The following WIPI1 variants were observed in gnomAD, a reference collection of about 807,000 sequenced individuals.
The protein encoded by WIPI1 is WD repeat domain, phosphoinositide interacting 1, also known as WD repeat domain phosphoinositide-interacting protein 1.
A neutral mutation model predicts 55.3 loss-of-function variants in WIPI1; 45 were observed. That is an observed-to-expected ratio of 0.81 (90% CI 0.64 to 1.04). WIPI1 has a LOEUF of 1.04. Among genes scored for constraint, WIPI1 ranks in the 50% least tolerant of loss-of-function variants. The pLI, the probability that WIPI1 is intolerant of heterozygous loss-of-function variation, is 0.00. For missense variants in WIPI1, 445 were observed against 559.0 expected (o/e 0.80, Z 2.06); for synonymous variants, 195 against 217.6 (o/e 0.90, Z 0.92).
At chr17:68,455,093 G>A (rs921494913) in intron 1 of WIPI1, among the ~76,000 whole-genome samples, 16 of 152,174 alleles carry the variant, frequency 1.1e-4, no homozygotes, top group African/African-American at 3.6e-4. Flanking sequence ...TGGGCATAGT[G>A]TGTCACATCT....
At chr17:68,448,061 C>T (rs1000145471) in intron 3 of WIPI1, among the ~76,000 whole-genome samples, 1 of 151,186 alleles carries the variant, frequency 6.6e-6, no homozygotes, top group African/African-American at 2.4e-5. Context: ...TAACTTTTTC[C>T]TGTTTTTCAA....
Position 68,421,799 on chromosome 17 carries a change from G to C in WIPI1, c.1315C>G (p.Gln439Glu). The C allele has an allele frequency of 6.2e-7, 1 of 1,614,180 alleles. No homozygotes were observed. The highest frequency in any genetic ancestry group is 8.5e-7 in the Non-Finnish European group (1 of 1,180,034). ...FPPIILCRGN[Q>E]KGKTKQS ...CATGACTGCTTCGTTTTGCCCTTCT[G>C]ATTTCCACGGCACAAGATTATCTAC... Residue 439 changes from glutamine (Q) to glutamate (E), a missense_variant, in exon 13 of 13, where the codon CAG becomes GAG. Physicochemically the swap from Gln to Glu is conservative, Grantham distance 29. Transcript: ENST00000262139.
At chr17:68,433,412 GC>G (rs1360693990) in intron 8 of WIPI1, 55 bp downstream of exon 8, 73 of 1,470,204 alleles carry the variant, frequency 5.0e-5, no homozygotes, top group Admixed American at 1.0e-4. Context: ...CAGTAGAAGA[GC>G]CTAGGCCTGA....
intron 8 of WIPI1, 21 bp from the exon 9 acceptor site, chr17:68,430,181 A>G: frequency 6.2e-7 from 1 of 1,603,052 alleles, no homozygotes; most frequent in East Asian, 2.2e-5. Context: ...ATGCACAGGC[A>G]ACGATGGGAC....
Position 68,421,382 on chromosome 17 carries a change from GTCTC to G in WIPI1, c.*387_*390del, listed in dbSNP as rs958734856. On this transcript the variant is annotated 3_prime_UTR_variant, in exon 13 of 13. Transcript: ENST00000262139. Reference sequence around the variant, plus strand: ...AAAAAGACTTTGCCTGGCTAAAAGAGTCTCTCTCTAAGTATGTAATATACAAGAA... The same window carrying G: ...AAAAAGACTTTGCCTGGCTAAAAGAGTCTCTAAGTATGTAATATACAAGAA... 1 of 173,982 alleles carries G rather than the reference GTCTC, an allele frequency of 5.7e-6. No homozygotes were observed. Among genetic ancestry groups the G allele is most frequent in the Non-Finnish European group, 1.2e-5 (1 of 81,254 alleles). The allele number at this position is 173,982 out of a possible 1,614,324, so 10.8% of individuals were successfully genotyped here. A position where few individuals can be genotyped will look rare whatever the true frequency, so the allele number is the denominator to read the frequency against.
At chr17:68,453,085 G>T in intron 1 of WIPI1, 93 bp from the exon 2 acceptor site, 4 of 988,968 alleles carry the variant, frequency 4.0e-6, no homozygotes, top group Admixed American at 1.9e-5. Context: ...TAGCCTCAGG[G>T]GTACAGTAAA....
At chr17:68,442,489 A>C (rs1223296464) in intron 4 of WIPI1, among the ~76,000 whole-genome samples, 1 of 151,552 alleles carries the variant, frequency 6.6e-6, no homozygotes, top group Non-Finnish European at 1.5e-5. Context: ...AAAAAGGAGA[A>C]ACATCTGTTT....
At chr17:68,456,100 G>T (rs1400517857) in intron 1 of WIPI1, among the ~76,000 whole-genome samples, 2 of 152,208 alleles carry the variant, frequency 1.3e-5, no homozygotes, top group East Asian at 3.8e-4. Flanking sequence ...AATAGTGTAT[G>T]TGTTATGGGT....
Position 68,433,578 on chromosome 17 carries a change from A to G in WIPI1, c.693-3T>C, listed in dbSNP as rs1310418437. 21 of 1,613,068 alleles carry G rather than the reference A, an allele frequency of 1.3e-5. No individual in the cohort carries two copies. The South Asian group carries it at 2.1e-4, about 16-fold the overall frequency. On this transcript the variant is annotated splice_polypyrimidine_tract_variant and splice_region_variant and intron_variant, in intron 7 of 12. Coordinates refer to ENST00000262139, the MANE Select transcript of WIPI1 (RefSeq NM_017983.7). The stretch of plus-strand genomic sequence containing the variant: ...CTAGAGAGCTGATTGTCACATACCT[A>G]CAAGCACAGCAACACATGGGTCAGT...
At chr17:68,444,732 T>A in intron 3 of WIPI1, 143 bp from the exon 4 acceptor site, 1 of 621,628 alleles carries the variant, frequency 1.6e-6, no homozygotes, top group Non-Finnish European at 2.7e-6. Flanking sequence ...GAAGATTGTG[T>A]TTATGGATGT....
intron 5 of WIPI1, 100 bp from the exon 6 acceptor site, chr17:68,435,812 C>A: frequency 9.3e-7 from 1 of 1,075,346 alleles, no homozygotes; most frequent in Non-Finnish European, 1.4e-6. Context: ...CCTCCTTTGT[C>A]CAGCTCCCTG....
intron 3 of WIPI1, among the ~76,000 whole-genome samples, chr17:68,447,918 G>A (rs907830254): frequency 1.3e-4 from 19 of 150,278 alleles, no homozygotes; most frequent in African/African-American, 4.4e-4. Flanking sequence ...GCTTGAACAC[G>A]GGAGGTAGAG....
At chr17:68,437,040 A>T (rs8072180) in intron 4 of WIPI1, among the ~76,000 whole-genome samples, 1 of 149,160 alleles carries the variant, frequency 6.7e-6, no homozygotes, top group East Asian at 2.0e-4. Flanking sequence ...GTGTGTGTAT[A>T]TATTGCTCAT....
chr17:68,429,925 G>GA (rs1271090936), intron 9 of WIPI1, 71 bp downstream of exon 9: 1 of 1,599,430 alleles, frequency 6.3e-7, no homozygotes, highest in Non-Finnish European at 8.5e-7. Flanking sequence ...CAGGTTTGGG[G>GA]ATTTTTGTGC....
chr17:68,448,956 C>T (rs940271153), intron 3 of WIPI1, among the ~76,000 whole-genome samples: 2 of 152,194 alleles, frequency 1.3e-5, no homozygotes, highest in Non-Finnish European at 2.9e-5. Context: ...ACTTCTCTTT[C>T]TCCAGCTATT....
At position 68,433,487 on chromosome 17, in the gene WIPI1, G is replaced by C. The variant is rs769578234; in HGVS notation, c.781C>G (p.Leu261Val). ...SNTETVHIFK[L>V]EQVTNSRPEE... is the part of the protein sequence containing the mutation. Reference sequence around the variant, plus strand: ...ACTTGCCTGTTGGTGACCTGTTCCAGCTTGAAGATGTGTACCGTCTCGGTG... The same window carrying C: ...ACTTGCCTGTTGGTGACCTGTTCCACCTTGAAGATGTGTACCGTCTCGGTG... Residue 261 changes from leucine to valine, a missense_variant, in exon 8 of 13, where the codon CTG becomes GTG. Physicochemically the swap from Leu to Val is conservative, Grantham distance 32. Coordinates refer to ENST00000262139, the MANE Select transcript of WIPI1 (RefSeq NM_017983.7). The C allele has an allele frequency of 7.4e-6, 12 of 1,614,086 alleles. No homozygotes were observed. Among genetic ancestry groups the C allele is most frequent in the African/African-American group, 5.3e-5 (4 of 75,010 alleles).
intron 12 of WIPI1, among the ~76,000 whole-genome samples, chr17:68,424,100 T>G (rs891488322): frequency 6.6e-6 from 1 of 152,130 alleles, no homozygotes; most frequent in African/African-American, 2.4e-5. Context: ...TTAAGGCCAG[T>G]TGGGGCCATG....
chr17:68,436,315 C>G (rs1406116167), intron 5 of WIPI1, 67 bp downstream of exon 5: 1 of 1,466,434 alleles, frequency 6.8e-7, no homozygotes, highest in Non-Finnish European at 9.5e-7. Flanking sequence ...GCGTCCTTAT[C>G]TATCTCCTTC....
intron 12 of WIPI1, chr17:68,425,813 T>C (rs2083131015): frequency 5.0e-6 from 2 of 399,066 alleles, no homozygotes; most frequent in East Asian, 8.6e-5. Context: ...GGCCTCTGGC[T>C]GGAGGGAGGC....
Sources: gnomAD v4.1 joint callset for allele counts (sites outside exome capture counted in the v4.1 genomes callset) on GRCh38, gnomAD v4.1.1 for gene constraint, MANE v1.5 for transcripts, NCBI Gene and HGNC (gene_info 2026-07-23, HGNC 2026-07-21) for gene names.